Variants in BAALC observed in about 807,000 individuals in gnomAD.
The protein encoded by BAALC is BAALC binder of MAP3K1 and KLF4.
BAALC carries 9 observed loss-of-function variants against 15.5 expected under a neutral mutation model. The ratio of observed to expected loss-of-function variants is 0.58; its 90% CI spans 0.35 to 1.02. BAALC has a LOEUF of 1.02. Among genes scored for constraint, BAALC ranks in the 50% least tolerant of loss-of-function variants. The probability of loss-of-function intolerance (pLI) is 0.02; values close to 1 mark genes in which losing one functional copy is unlikely to be tolerated. For missense variants in BAALC, 201 were observed against 192.4 expected (o/e 1.04, Z -0.27); for synonymous variants, 80 against 74.6 (o/e 1.07, Z -0.37).
chr8:103,172,875 G>T (rs929568298), intron 1 of BAALC, among the ~76,000 whole-genome samples: 1 of 152,108 alleles, frequency 6.6e-6, no homozygotes, highest in Non-Finnish European at 1.5e-5. Flanking sequence ...ATCAGGTAAA[G>T]TTACTCCTTA....
chr8:103,212,753 G>A (rs1203456541), intron 1 of BAALC, among the ~76,000 whole-genome samples, 166 bp from the exon 2 acceptor site: 1 of 152,172 alleles, frequency 6.6e-6, no homozygotes, highest in Non-Finnish European at 1.5e-5. Flanking sequence ...TCTCCTTTTT[G>A]TAAAAAGCAT....
chr8:103,195,115 C>A (rs560943582), intron 1 of BAALC, among the ~76,000 whole-genome samples: 1 of 152,114 alleles, frequency 6.6e-6, no homozygotes, highest in Non-Finnish European at 1.5e-5. Flanking sequence ...GTCCCAGAAT[C>A]AAAAAGTTTG....
At chr8:103,169,515 G>A (rs963409298) in intron 1 of BAALC, among the ~76,000 whole-genome samples, 3 of 152,142 alleles carry the variant, frequency 2.0e-5, no homozygotes, top group Admixed American at 6.6e-5. Context: ...CATTTATGAC[G>A]TTGGGGCTTA....
At chr8:103,177,150 T>C (rs12707776) in intron 1 of BAALC, among the ~76,000 whole-genome samples, 48,603 of 151,812 alleles carry the variant, frequency 0.32, 9,029 homozygotes, top group Non-Finnish European at 0.43. Flanking sequence ...TTTCTCACTC[T>C]TCCTGTGTGC....
At chr8:103,201,342 C>T (rs1334892367) in intron 1 of BAALC, among the ~76,000 whole-genome samples, 1 of 152,036 alleles carries the variant, frequency 6.6e-6, no homozygotes, top group Non-Finnish European at 1.5e-5. Flanking sequence ...TGTTCCCAGG[C>T]ACCTGTTGGT....
intron 1 of BAALC, among the ~76,000 whole-genome samples, chr8:103,175,818 T>C (rs1489439832): frequency 2.6e-5 from 4 of 152,230 alleles, no homozygotes; most frequent in African/African-American, 9.6e-5. Context: ...ACTGGGGGTA[T>C]CGTCTATTTA....
intron 1 of BAALC, among the ~76,000 whole-genome samples, chr8:103,183,131 G>A (rs1203800022): frequency 2.0e-5 from 3 of 152,190 alleles, no homozygotes; most frequent in African/African-American, 7.2e-5. Flanking sequence ...GGGGCTGGGG[G>A]AAGTGCTGCT....
At chr8:103,185,271 C>T (rs1057335650) in intron 1 of BAALC, among the ~76,000 whole-genome samples, 5 of 152,090 alleles carry the variant, frequency 3.3e-5, no homozygotes, top group African/African-American at 4.8e-5. Flanking sequence ...CGACTCCCAT[C>T]ACGGCCCCAC....
At chr8:103,211,460 G>T (rs1382322476) in intron 1 of BAALC, among the ~76,000 whole-genome samples, 1 of 152,086 alleles carries the variant, frequency 6.6e-6, no homozygotes, top group Non-Finnish European at 1.5e-5. Context: ...TCCTCATTTT[G>T]TGGTTATATT....
At chr8:103,203,402 C>T (rs1392056248) in intron 1 of BAALC, among the ~76,000 whole-genome samples, 3 of 152,190 alleles carry the variant, frequency 2.0e-5, no homozygotes, top group Non-Finnish European at 4.4e-5. Flanking sequence ...AAATGTACTG[C>T]TCACCATTTG....
chr8:103,196,409 T>C (rs1320420649), intron 1 of BAALC, among the ~76,000 whole-genome samples: 1 of 152,096 alleles, frequency 6.6e-6, no homozygotes, highest in Non-Finnish European at 1.5e-5. Flanking sequence ...GCCTCCCAAA[T>C]AGCTGGGACT....
chr8:103,213,465 G>C (rs980876399), intron 2 of BAALC: 6 of 163,510 alleles, frequency 3.7e-5, no homozygotes, highest in Middle Eastern at 2.8e-3. Context: ...GAGAAGACCA[G>C]AGTGGTTGGA....
chr8:103,224,921 TTAGA>T (rs1586447070), intron 2 of BAALC, among the ~76,000 whole-genome samples: 1 of 152,176 alleles, frequency 6.6e-6, no homozygotes, highest in African/African-American at 2.4e-5. Flanking sequence ...CCCAGACCCC[TTAGA>T]TAGGAGTTGG....
At chr8:103,175,922 C>T (rs961626655) in intron 1 of BAALC, among the ~76,000 whole-genome samples, 6 of 152,160 alleles carry the variant, frequency 3.9e-5, no homozygotes, top group Non-Finnish European at 2.9e-5. Context: ...CATCACTATT[C>T]CCATTTTGTA....
At chr8:103,152,912 A>G (rs911146987) in intron 1 of BAALC, among the ~76,000 whole-genome samples, 6 of 152,228 alleles carry the variant, frequency 3.9e-5, no homozygotes, top group East Asian at 1.9e-4. Context: ...ACGGGCAGAA[A>G]GGGGCATTCT....
rs200934799 is a variant in BAALC at position 103,160,020 on chromosome 8, C to CT, written c.160+18972dup. Among the ~76,000 whole-genome samples, 179 of 151,214 alleles carry CT rather than the reference C, an allele frequency of 1.2e-3. 2 individuals are homozygous for CT. The highest frequency in any genetic ancestry group is 4.3e-3 in the African/African-American group (176 of 41,242). ...TTTTTCATCCTTTTAAAACTTTATT[C>CT]TTTTTTTTTAGATGCTAAATATCTT... is the stretch of plus-strand genomic sequence containing the variant. On this transcript the variant is annotated intron_variant, in intron 1 of 2. Coordinates refer to ENST00000309982, the MANE Select transcript of BAALC (RefSeq NM_024812.3).
intron 1 of BAALC, among the ~76,000 whole-genome samples, chr8:103,158,631 C>T (rs1336115750): frequency 2.0e-5 from 3 of 152,000 alleles, no homozygotes; most frequent in Non-Finnish European, 4.4e-5. Flanking sequence ...AACTAACAGG[C>T]CAATGGTGTC....
chr8:103,228,094 A>G lies in BAALC; in HGVS notation c.433A>G (p.Asn145Asp), dbSNP rs373558160. 8 of 1,605,308 alleles carry G rather than the reference A, an allele frequency of 5.0e-6. No individual in the cohort carries two copies. The highest frequency in any genetic ancestry group is 4.0e-5 in the African/African-American group (3 of 74,646). The stretch of plus-strand genomic sequence containing the variant: ...TCGAAGAATCACAAAGAACTGTGTC[A>G]ACTAGCAGAGAGTCCAAGCAGAAGG... ...RSRRITKNCV[N>D] is the part of the protein sequence containing the mutation. The change falls in exon 3 of 3, where the codon AAC becomes GAC. Residue 145 changes from asparagine to aspartate, a missense_variant. Asn to Asp is a conservative substitution (Grantham distance 23, BLOSUM62 1). Coordinates refer to ENST00000309982, the MANE Select transcript of BAALC (RefSeq NM_024812.3).
rs1287860270 is a variant in BAALC, at chr8:103,141,243, G to C, written c.160+186G>C. On this transcript the variant is annotated intron_variant, in intron 1 of 2. Coordinates refer to ENST00000309982, the MANE Select transcript of BAALC (RefSeq NM_024812.3). ...CAAGCCCAGGGAGTGGGGTCGACCA[G>C]AGCCCCTTACCGAAGGCTGCGCCGA... The C allele has an allele frequency of 4.7e-6, 3 of 632,772 alleles. No homozygotes were observed. In the African/African-American group the frequency reaches 5.8e-5, roughly 12 times the overall value. The allele number at this position is 632,772 out of a possible 1,614,324, so 39.2% of individuals were successfully genotyped here. A position where few individuals can be genotyped will look rare whatever the true frequency, so the allele number is the denominator to read the frequency against.
Sources: allele counts gnomAD v4.1 joint callset (sites outside exome capture counted in the v4.1 genomes callset), GRCh38; gene constraint gnomAD v4.1.1; transcripts MANE v1.5; gene names NCBI Gene and HGNC (gene_info 2026-07-23, HGNC 2026-07-21).